ST7L: variants seen among roughly 807,000 people sequenced by gnomAD.
ST7L encodes suppression of tumorigenicity 7 like.
A neutral mutation model predicts 72.5 loss-of-function variants in ST7L; 57 were observed. The ratio of observed to expected loss-of-function variants is 0.79; its 90% CI spans 0.64 to 0.98. The LOEUF is 0.98. Ranked by LOEUF, ST7L falls within the 50% of genes least tolerant of loss-of-function variation. ST7L has a pLI of 0.00. For missense variants in ST7L, 576 were observed against 672.2 expected, an observed-to-expected ratio of 0.86 and a Z score of 1.58; for synonymous variants, 221 against 240.9, an observed-to-expected ratio of 0.92 and a Z score of 0.77.
intron 2 of ST7L, among the ~76,000 whole-genome samples, chr1:112,613,453 G>A (rs1669377407): frequency 6.6e-6 from 1 of 152,112 alleles, no homozygotes; most frequent in Non-Finnish European, 1.5e-5. Flanking sequence ...TCTTATTCAG[G>A]TTTGCCTGAC....
intron 13 of ST7L, among the ~76,000 whole-genome samples, chr1:112,550,221 T>TTATAGTATTTTTA: frequency 6.6e-6 from 1 of 152,326 alleles, no homozygotes; most frequent in South Asian, 2.1e-4. Flanking sequence ...GGCTGTTGTT[T>TTATAGTATTTTTA]TATAGTATTT....
chr1:112,555,610 T>C (rs1158183799), intron 12 of ST7L, among the ~76,000 whole-genome samples: 1 of 152,184 alleles, frequency 6.6e-6, no homozygotes, highest in Non-Finnish European at 1.5e-5. Context: ...AAGTTTTCAT[T>C]TTCTTTCCTT....
intron 14 of ST7L, chr1:112,540,432 G>C: frequency 3.0e-6 from 3 of 985,416 alleles, no homozygotes; most frequent in Non-Finnish European, 3.6e-6. Flanking sequence ...TAACAGTTAT[G>C]AGTATGATCA....
chr1:112,594,901 A>G (rs1341946778), intron 5 of ST7L, among the ~76,000 whole-genome samples: 4 of 152,242 alleles, frequency 2.6e-5, no homozygotes, highest in African/African-American at 9.6e-5. Context: ...AGAACCTTAC[A>G]GTCAAATGCA....
intron 11 of ST7L, among the ~76,000 whole-genome samples, chr1:112,557,372 A>G (rs1659375963): frequency 6.6e-6 from 1 of 152,088 alleles, no homozygotes; most frequent in African/African-American, 2.4e-5. Flanking sequence ...CACTTAGCAT[A>G]ATGTTTTCAA....
intron 11 of ST7L, among the ~76,000 whole-genome samples, chr1:112,575,338 T>C (rs1662937312): frequency 6.6e-6 from 1 of 152,236 alleles, no homozygotes; most frequent in South Asian, 2.1e-4. Context: ...AAACCCTACG[T>C]ACACCATGTT....
downstream of ST7L, among the ~76,000 whole-genome samples, chr1:112,520,019 A>G (rs184146137): frequency 4.0e-3 from 615 of 151,912 alleles, 3 homozygotes; most frequent in African/African-American, 0.014. Context: ...CTACAGGCTC[A>G]TGCCCATGGC....
chr1:112,562,508 C>A (rs1322845219), intron 11 of ST7L, among the ~76,000 whole-genome samples: 4 of 152,082 alleles, frequency 2.6e-5, no homozygotes, highest in Non-Finnish European at 4.4e-5. Context: ...AAGCCGTTAT[C>A]TCTTCTTGGG....
At chr1:112,578,544 G>A (rs1470608709) in intron 9 of ST7L, 127 bp from the exon 10 acceptor site, 3 of 787,140 alleles carry the variant, frequency 3.8e-6, no homozygotes, top group Admixed American at 2.0e-5. Flanking sequence ...GGGAGGCTGA[G>A]GCGGGTGGAT....
intron 14 of ST7L, 133 bp downstream of exon 14, chr1:112,541,818 C>T: frequency 7.0e-7 from 1 of 1,435,858 alleles, no homozygotes; most frequent in African/African-American, 1.4e-5. Context: ...ATGGCAGCAA[C>T]TATATACAAA....
intron 11 of ST7L, among the ~76,000 whole-genome samples, chr1:112,557,135 A>T (rs1027391858): frequency 1.3e-5 from 2 of 152,070 alleles, no homozygotes; most frequent in Non-Finnish European, 2.9e-5. Context: ...TAAAGTATAC[A>T]ATTCGAGGAT....
At chr1:112,595,934 A>C (rs1013813423) in intron 5 of ST7L, among the ~76,000 whole-genome samples, 1 of 152,210 alleles carries the variant, frequency 6.6e-6, no homozygotes, top group South Asian at 2.1e-4. Context: ...ATATTCAAAT[A>C]AAAATGTTTT....
rs746048189 is a variant in ST7L at position 112,525,967 on chromosome 1, A to C, written c.*46T>G. ...TACTGTCACTTTACAGATGCTGTTC[A>C]GAAAAATTTGGTGATTTGTCCAAGG... On this transcript the variant is annotated 3_prime_UTR_variant, in exon 15 of 15. Transcript: ENST00000358039. The C allele has an allele frequency of 6.2e-7, 1 of 1,611,460 alleles. No individual in the cohort carries two copies. Among genetic ancestry groups the C allele is most frequent in the East Asian group, 2.2e-5 (1 of 44,834 alleles).
At chr1:112,610,210 T>C (rs1041534873) in intron 3 of ST7L, among the ~76,000 whole-genome samples, 3 of 152,154 alleles carry the variant, frequency 2.0e-5, no homozygotes, top group Admixed American at 1.3e-4. Flanking sequence ...GTAGTGACCT[T>C]ACCCCGGATT....
chr1:112,566,701 A>G (rs1462512092), intron 11 of ST7L, among the ~76,000 whole-genome samples: 1 of 152,148 alleles, frequency 6.6e-6, no homozygotes, highest in Non-Finnish European at 1.5e-5. Context: ...ACCACCACAG[A>G]TCACTTTTTG....
At chr1:112,556,056 G>A in intron 11 of ST7L, 38 bp from the exon 12 acceptor site, 3 of 1,347,150 alleles carry the variant, frequency 2.2e-6, no homozygotes, top group Non-Finnish European at 2.9e-6. Context: ...ACACACAACA[G>A]AAAAAAGAAA....
intron 11 of ST7L, among the ~76,000 whole-genome samples, chr1:112,576,045 A>T (rs1663042570): frequency 6.6e-6 from 1 of 152,112 alleles, no homozygotes; most frequent in Non-Finnish European, 1.5e-5. Flanking sequence ...AAGGGCATCT[A>T]TTCTTGAATT....
chr1:112,598,323 G>A (rs1318241502), intron 4 of ST7L, among the ~76,000 whole-genome samples: 5 of 151,946 alleles, frequency 3.3e-5, no homozygotes, highest in African/African-American at 4.8e-5. Flanking sequence ...GAATTGGGCC[G>A]GGTGCCGTGG....
chr1:112,565,401 C>T (rs116313297), intron 11 of ST7L, among the ~76,000 whole-genome samples: 3 of 151,794 alleles, frequency 2.0e-5, no homozygotes, highest in African/African-American at 7.3e-5. Context: ...CTACAGATAG[C>T]GAATTTCTAA....
Sources: allele counts gnomAD v4.1 joint callset (sites outside exome capture counted in the v4.1 genomes callset), GRCh38; gene constraint gnomAD v4.1.1; transcripts MANE v1.5; gene names NCBI Gene and HGNC (gene_info 2026-07-23, HGNC 2026-07-21).